Variants in GAS7 observed in about 807,000 individuals in gnomAD.
The protein encoded by GAS7 is growth arrest-specific protein 7.
A neutral mutation model predicts 71.1 loss-of-function variants in GAS7; 28 were observed. That is an observed-to-expected ratio of 0.39 (90% CI 0.29 to 0.54). The LOEUF (loss-of-function observed/expected upper bound fraction) is 0.54. Ranked by LOEUF, GAS7 falls within the 20% of genes least tolerant of loss-of-function variation. The probability of loss-of-function intolerance (pLI) is 0.62; values close to 1 mark genes in which losing one functional copy is unlikely to be tolerated. For synonymous variants in GAS7, 258 were observed against 245.8 expected, an observed-to-expected ratio of 1.05 and a Z score of -0.46; for missense variants, 436 against 627.8, an observed-to-expected ratio of 0.69 and a Z score of 3.27.
chr17:10,048,240 T>C (rs1402525212), intron 1 of GAS7, among the ~76,000 whole-genome samples: 2 of 152,234 alleles, frequency 1.3e-5, no homozygotes, highest in African/African-American at 4.8e-5. Flanking sequence ...AGGCGGAGGT[T>C]GCAGAGAGCG....
chr17:10,146,841 G>A (rs1004225467), intron 1 of GAS7, among the ~76,000 whole-genome samples: 6 of 152,076 alleles, frequency 3.9e-5, no homozygotes, highest in African/African-American at 9.7e-5. Context: ...AAAATTAGCC[G>A]GGCGTGGTGG....
At position 9,922,199 on chromosome 17, in the gene GAS7, T is replaced by A. The variant is rs1238388092; in HGVS notation, c.1139-2494A>T. 2.6e-5 allele frequency among the ~76,000 whole-genome samples: 3 copies of A among 117,134 alleles called. No individual in the cohort carries two copies. The South Asian group carries it at 8.8e-4, about 34-fold the overall frequency. The allele number at this position is 117,134 out of a possible 152,430, so 76.8% of individuals were successfully genotyped here. A position where few individuals can be genotyped will look rare whatever the true frequency, so the allele number is the denominator to read the frequency against. ...ATATGGGCTATGGTGGTGATGAAGA[T>A]GATGATGATGATGATGATGATGATG... On this transcript the variant is annotated intron_variant, in intron 11 of 13. Transcript: ENST00000432992.
At chr17:10,146,461 C>T (rs1230199522) in intron 1 of GAS7, among the ~76,000 whole-genome samples, 2 of 152,156 alleles carry the variant, frequency 1.3e-5, no homozygotes, top group Non-Finnish European at 2.9e-5. Flanking sequence ...AGCCTCGCCA[C>T]TTAGTGTGGA....
At chr17:9,970,226 A>G (rs2152120582) in intron 3 of GAS7, among the ~76,000 whole-genome samples, 1 of 152,312 alleles carries the variant, frequency 6.6e-6, no homozygotes, top group East Asian at 1.9e-4. Context: ...GTGTGAATAT[A>G]CTAGAAAGAG....
chr17:9,976,710 G>GA (rs2070220457), intron 3 of GAS7, among the ~76,000 whole-genome samples: 1 of 152,190 alleles, frequency 6.6e-6, no homozygotes, highest in Admixed American at 6.5e-5. Flanking sequence ...TCAGTGGGCT[G>GA]AAGCCCCAAG....
At chr17:10,023,527 A>G (rs1044838976) in intron 1 of GAS7, among the ~76,000 whole-genome samples, 2 of 152,256 alleles carry the variant, frequency 1.3e-5, no homozygotes, top group Non-Finnish European at 2.9e-5. Context: ...TGGAGCCGTG[A>G]TACATGCTAC....
At chr17:10,038,129 G>A (rs1049913738) in intron 1 of GAS7, among the ~76,000 whole-genome samples, 1 of 151,252 alleles carries the variant, frequency 6.6e-6, no homozygotes, top group Non-Finnish European at 1.5e-5. Context: ...AGGCCAAGAC[G>A]GGTGGATCAC....
chr17:10,025,811 T>C (rs2072443844), intron 1 of GAS7, among the ~76,000 whole-genome samples: 2 of 152,154 alleles, frequency 1.3e-5, no homozygotes, highest in South Asian at 4.1e-4. Context: ...CTAAAGCCAC[T>C]CCGTTGCAGC....
intron 1 of GAS7, among the ~76,000 whole-genome samples, chr17:10,121,965 G>C (rs773016306): frequency 7.9e-4 from 120 of 152,080 alleles, no homozygotes; most frequent in Non-Finnish European, 1.2e-3. Context: ...AGGCTACCTG[G>C]AACCTCCAAA....
At chr17:10,049,953 T>C (rs1211992503) in intron 1 of GAS7, among the ~76,000 whole-genome samples, 1 of 152,172 alleles carries the variant, frequency 6.6e-6, no homozygotes, top group Non-Finnish European at 1.5e-5. Flanking sequence ...AATCATCATA[T>C]ACAATCCTAA....
rs115731188 is a variant in GAS7, at chr17:10,141,785, A to G, written c.183+56423T>C. On this transcript the variant is annotated intron_variant, in intron 1 of 13. Coordinates refer to ENST00000432992, the MANE Select transcript of GAS7 (RefSeq NM_201433.2). ...GATACCATACAATGCAACACTGTGG[A>G]AAGGGTTAAACTTTTACATTTTCTT... Among the ~76,000 whole-genome samples the G allele has an allele frequency of 4.5e-3, 680 of 152,346 alleles. 6 individuals are homozygous for G. Among genetic ancestry groups the G allele is most frequent in the African/African-American group, 0.016 (663 of 41,584 alleles).
At chr17:9,977,630 C>T (rs1344174412) in intron 3 of GAS7, among the ~76,000 whole-genome samples, 1 of 152,010 alleles carries the variant, frequency 6.6e-6, no homozygotes, top group African/African-American at 2.4e-5. Flanking sequence ...TGAATAAACA[C>T]AGCTTCCATA....
chr17:9,928,991 A>G (rs2068111984), intron 9 of GAS7, among the ~76,000 whole-genome samples: 1 of 152,182 alleles, frequency 6.6e-6, no homozygotes, highest in East Asian at 1.9e-4. Context: ...AATATGTCCT[A>G]CTATTTTTTT....
At chr17:10,051,342 T>C (rs1280551359) in intron 1 of GAS7, among the ~76,000 whole-genome samples, 1 of 152,222 alleles carries the variant, frequency 6.6e-6, no homozygotes, top group Non-Finnish European at 1.5e-5. Context: ...TCCAGAATGA[T>C]ACCTTCTAAC....
intron 1 of GAS7, among the ~76,000 whole-genome samples, chr17:10,030,083 CTT>C (rs1320367804): frequency 6.6e-6 from 1 of 152,182 alleles, no homozygotes; most frequent in East Asian, 1.9e-4. Context: ...CATGTCCACT[CTT>C]GTCTTTTCCT....
At chr17:9,943,577 G>A (rs1201975709) in intron 6 of GAS7, among the ~76,000 whole-genome samples, 1 of 152,204 alleles carries the variant, frequency 6.6e-6, no homozygotes, top group African/African-American at 2.4e-5. Flanking sequence ...CTGCAGATCT[G>A]GCTTGGCCCT....
chr17:9,982,029 C>T (rs1266347805), intron 2 of GAS7, 145 bp from the exon 3 acceptor site: 2 of 610,344 alleles, frequency 3.3e-6, no homozygotes, highest in African/African-American at 1.8e-5. Flanking sequence ...AGACAGGACC[C>T]TGCTTTCTGC....
chr17:10,036,322 C>T (rs553561869), intron 1 of GAS7: 3 of 949,850 alleles, frequency 3.2e-6, no homozygotes, highest in African/African-American at 1.6e-5. Context: ...CAGTTAGACC[C>T]CAAATCTCAG....
chr17:10,140,281 T>G (rs28393364), intron 1 of GAS7, among the ~76,000 whole-genome samples: 52,823 of 151,954 alleles, frequency 0.35, 10,529 homozygotes, highest in African/African-American at 0.53. Flanking sequence ...GTGCAACATA[T>G]GGAAACCCTA....
Sources: gnomAD v4.1 joint callset for allele counts (sites outside exome capture counted in the v4.1 genomes callset) on GRCh38, gnomAD v4.1.1 for gene constraint, MANE v1.5 for transcripts, NCBI Gene and HGNC (gene_info 2026-07-23, HGNC 2026-07-21) for gene names.